The following CFTR variants were observed in gnomAD, a reference collection of about 807,000 sequenced individuals.
CFTR encodes CF transmembrane conductance regulator, also known as cystic fibrosis transmembrane conductance regulator.
In CFTR, 181 loss-of-function variants were observed where a neutral mutation model predicts 171.6. That is an observed-to-expected ratio of 1.05 (90% CI 0.93 to 1.19). The LOEUF (loss-of-function observed/expected upper bound fraction) is 1.19. Among genes scored for constraint, CFTR ranks in the 50% most tolerant of loss-of-function variants. The pLI is 0.00. For synonymous variants in CFTR, 583 were observed against 608.0 expected (o/e 0.96, Z 0.60); for missense variants, 1,968 against 1,734.7 (o/e 1.13, Z -2.39).
intron 15 of CFTR, among the ~76,000 whole-genome samples, chr7:117,602,180 ACACCAC>A (rs1792236902): frequency 6.6e-6 from 1 of 152,158 alleles, no homozygotes; most frequent in African/African-American, 2.4e-5. Context: ...TCACAGGTGT[ACACCAC>A]CAGGCCTGGC....
intron 14 of CFTR, among the ~76,000 whole-genome samples, chr7:117,593,291 T>G (rs908523646): frequency 6.6e-6 from 1 of 152,222 alleles, no homozygotes; most frequent in Non-Finnish European, 1.5e-5. Flanking sequence ...TAAAAGCATT[T>G]TATTTTTAAA....
rs141747560 is a variant in CFTR, at chr7:117,603,705, T to C, written c.2831T>C (p.Val944Ala). ...GLPLVHTLIT[V>A]SKILHHKMLH... ...CCACTGGTGCATACTCTAATCACAG[T>C]GTCGAAAATTTTACACCACAAAATG... Residue 944 changes from valine (V) to alanine (A), a missense_variant, in exon 17 of 27, where the codon GTG (valine) becomes GCG (alanine). Transcript: ENST00000003084. 8.7e-6 allele frequency: 14 copies of C among 1,613,984 alleles called. No individual in the cohort carries two copies. The highest frequency in any genetic ancestry group is 2.2e-5 in the East Asian group (1 of 44,890).
intron 3 of CFTR, among the ~76,000 whole-genome samples, chr7:117,524,329 A>G (rs1426438517): frequency 6.6e-6 from 1 of 152,034 alleles, no homozygotes; most frequent in Non-Finnish European, 1.5e-5. Flanking sequence ...AGCACATGTA[A>G]ATCCAGTGGC....
At chr7:117,596,051 C>T (rs920313150) in intron 15 of CFTR, among the ~76,000 whole-genome samples, 4 of 152,218 alleles carry the variant, frequency 2.6e-5, no homozygotes, top group South Asian at 2.1e-4. Flanking sequence ...TCTGGCTGTG[C>T]GTGAGGAGCC....
intron 3 of CFTR, among the ~76,000 whole-genome samples, chr7:117,523,610 C>T (rs1306489697): frequency 6.6e-6 from 1 of 152,150 alleles, no homozygotes; most frequent in African/African-American, 2.4e-5. Context: ...ATCTCCTGAC[C>T]TTGTGATCCT....
intron 22 of CFTR, 152 bp from the exon 23 acceptor site, chr7:117,642,286 T>A (rs1343467895): frequency 5.2e-6 from 4 of 769,712 alleles, no homozygotes; most frequent in Admixed American, 4.0e-5. Flanking sequence ...GGATTGAAAG[T>A]GTGCAACAAG....
intron 1 of CFTR, among the ~76,000 whole-genome samples, chr7:117,503,863 G>GT (rs1798370718): frequency 6.6e-6 from 1 of 152,104 alleles, no homozygotes; most frequent in Non-Finnish European, 1.5e-5. Flanking sequence ...CTTATTCAGA[G>GT]TTTTTTTATA....
chr7:117,657,592 A>G (rs1408770123), intron 24 of CFTR, among the ~76,000 whole-genome samples: 2 of 152,208 alleles, frequency 1.3e-5, no homozygotes, highest in African/African-American at 4.8e-5. Flanking sequence ...CAAACAGGAC[A>G]TTTTTGGGTG....
chr7:117,613,351 A>G (rs1449469896), intron 20 of CFTR, among the ~76,000 whole-genome samples: 2 of 152,170 alleles, frequency 1.3e-5, no homozygotes, highest in Non-Finnish European at 1.5e-5. Context: ...TCAGATGCTC[A>G]GCCGGAGTGG....
At chr7:117,612,025 A>ATATATATATATATATATATATATG (rs1792403773) in intron 20 of CFTR, among the ~76,000 whole-genome samples, 14 of 42,594 alleles carry the variant, frequency 3.3e-4, no homozygotes, top group Middle Eastern at 9.8e-3. Flanking sequence ...ATATATATGT[A>ATATATATATATATATATATATATG]TATATATATA....
intron 7 of CFTR, 58 bp from the exon 8 acceptor site, chr7:117,540,042 C>G: frequency 2.1e-6 from 3 of 1,430,996 alleles, no homozygotes; most frequent in Non-Finnish European, 2.9e-6. Flanking sequence ...ATTCCAAGAT[C>G]CCTGATATTT....
At chr7:117,537,149 G>A (rs1449203987) in intron 7 of CFTR, among the ~76,000 whole-genome samples, 2 of 152,122 alleles carry the variant, frequency 1.3e-5, no homozygotes, top group African/African-American at 2.4e-5. Flanking sequence ...GAATGACATA[G>A]GGTAATATTC....
chr7:117,629,101 TG>T (rs1792698814), intron 22 of CFTR, among the ~76,000 whole-genome samples: 1 of 152,120 alleles, frequency 6.6e-6, no homozygotes, highest in Non-Finnish European at 1.5e-5. Context: ...TTCCCTGATG[TG>T]AGATTAGTAA....
At chr7:117,536,477 C>A in intron 6 of CFTR, 71 bp from the exon 7 acceptor site, 2 of 1,404,132 alleles carry the variant, frequency 1.4e-6, no homozygotes, top group Non-Finnish European at 9.8e-7. Flanking sequence ...AAACCTTGAG[C>A]AGTTCTTAAT....
At chr7:117,482,368 C>G (rs1321523542) in intron 1 of CFTR, among the ~76,000 whole-genome samples, 2 of 151,888 alleles carry the variant, frequency 1.3e-5, no homozygotes, top group Non-Finnish European at 2.9e-5. Flanking sequence ...CATTGGAAAA[C>G]CAAAAAGTTT....
intron 10 of CFTR, among the ~76,000 whole-genome samples, chr7:117,558,145 T>C (rs1799391360): frequency 6.6e-6 from 1 of 152,098 alleles, no homozygotes; most frequent in Non-Finnish European, 1.5e-5. Flanking sequence ...TCCTTTATTA[T>C]GAAGTCACTG....
At chr7:117,613,626 A>G (rs1208303184) in intron 20 of CFTR, among the ~76,000 whole-genome samples, 3 of 152,256 alleles carry the variant, frequency 2.0e-5, no homozygotes, top group East Asian at 1.9e-4. Context: ...TAACCTTCAG[A>G]ACAGTAATAT....
chr7:117,565,129 A>G (rs762168494), intron 11 of CFTR, among the ~76,000 whole-genome samples: 55 of 152,316 alleles, frequency 3.6e-4, no homozygotes, highest in Non-Finnish European at 6.9e-4. Flanking sequence ...GTGCCCATTA[A>G]CTTATCCTAC....
intron 22 of CFTR, among the ~76,000 whole-genome samples, chr7:117,637,404 G>T (rs534062341): frequency 1.3e-4 from 20 of 152,212 alleles, no homozygotes; most frequent in African/African-American, 4.8e-4. Context: ...GAGCCTGTGC[G>T]CCTGCAGCTT....
Sources: gnomAD v4.1 joint callset for allele counts (sites outside exome capture counted in the v4.1 genomes callset) on GRCh38, gnomAD v4.1.1 for gene constraint, MANE v1.5 for transcripts, NCBI Gene and HGNC (gene_info 2026-07-23, HGNC 2026-07-21) for gene names.